The following PTDSS1 variants were observed in gnomAD, a reference collection of about 807,000 sequenced individuals.
PTDSS1 encodes the protein PSS-1.
In PTDSS1, 45 loss-of-function variants were observed where a neutral mutation model predicts 70.5. The ratio of observed to expected loss-of-function variants is 0.64; its 90% confidence interval spans 0.50 to 0.82. The LOEUF (loss-of-function observed/expected upper bound fraction) is 0.82, where lower values mean the gene tolerates loss of function less well. Among genes scored for constraint, PTDSS1 ranks in the 40% least tolerant of loss-of-function variants. The pLI is 0.00. For missense variants in PTDSS1, 417 were observed against 586.1 expected, an observed-to-expected ratio of 0.71 and a Z score of 2.98; for synonymous variants, 188 against 203.8, an observed-to-expected ratio of 0.92 and a Z score of 0.66.
At chr8:96,289,746 C>T (rs1324501182) in intron 4 of PTDSS1, among the ~76,000 whole-genome samples, 1 of 152,096 alleles carries the variant, frequency 6.6e-6, no homozygotes, top group African/African-American at 2.4e-5. Context: ...AATCATTCCC[C>T]CATGGTGACA....
At chr8:96,286,902 G>A (rs780287885) in intron 3 of PTDSS1, 120 bp from the exon 4 acceptor site, 81 of 1,275,016 alleles carry the variant, frequency 6.4e-5, no homozygotes, top group Non-Finnish European at 8.4e-5. Context: ...GAGGAGTCTT[G>A]ACAGGCTGTG....
intron 9 of PTDSS1, among the ~76,000 whole-genome samples, chr8:96,312,146 G>A (rs375058487): frequency 3.9e-5 from 6 of 152,270 alleles, no homozygotes; most frequent in South Asian, 4.1e-4. Flanking sequence ...CCATCCCCAC[G>A]GTGGGAGAAA....
chr8:96,299,291 T>C lies in PTDSS1; in HGVS notation c.601-403T>C, dbSNP rs149493713. Among the ~76,000 whole-genome samples the C allele has an allele frequency of 9.2e-5, 14 of 152,330 alleles. No homozygotes were observed. In the East Asian group the frequency reaches 2.7e-3, roughly 29 times the overall value. The stretch of plus-strand genomic sequence containing the variant: ...AGGGGATATTTTTGAAATGCACAAC[T>C]TGAATTCTCAAGCTGCTAATTTTGA... On this transcript the variant is annotated intron_variant, in intron 5 of 12. Transcript: ENST00000517309.
At chr8:96,294,789 C>T (rs763170621) in intron 4 of PTDSS1, among the ~76,000 whole-genome samples, 7 of 152,120 alleles carry the variant, frequency 4.6e-5, no homozygotes, top group Non-Finnish European at 7.3e-5. Context: ...AATATTGTTG[C>T]CCTGTGGTCT....
Position 96,262,307 on chromosome 8 carries a change from C to T in PTDSS1, c.179+88C>T. ...TGGCGGGGAGGGGGGCCCGGCATGG[C>T]TCTGGGTGAGGAAGTGGGCTGGCTG... is the stretch of plus-strand genomic sequence containing the variant. On this transcript the variant is annotated intron_variant, in intron 1 of 12. Coordinates refer to ENST00000517309, the MANE Select transcript of PTDSS1 (RefSeq NM_014754.3). This position sits in a 1 kb window ranked among gnomAD's most constrained non-coding sequence, Gnocchi z 4.4. 1 of 1,454,636 alleles carries T rather than the reference C, an allele frequency of 6.9e-7. No homozygotes were observed. The allele number at this position is 1,454,636 out of a possible 1,614,324, so 90.1% of individuals were successfully genotyped here.
chr8:96,316,030 G>C (rs548962706), intron 9 of PTDSS1, among the ~76,000 whole-genome samples: 24 of 152,284 alleles, frequency 1.6e-4, no homozygotes, highest in South Asian at 4.1e-4. Context: ...AGTCTTGGTA[G>C]AAAAGTAATG....
chr8:96,282,276 A>G (rs576058958), intron 2 of PTDSS1, among the ~76,000 whole-genome samples: 48 of 152,360 alleles, frequency 3.2e-4, no homozygotes, highest in African/African-American at 1.1e-3. Flanking sequence ...AACTTAAAAG[A>G]TGATAATTTT....
intron 1 of PTDSS1, among the ~76,000 whole-genome samples, chr8:96,267,496 A>T (rs1810504800): frequency 2.0e-5 from 3 of 152,092 alleles, no homozygotes; most frequent in South Asian, 4.1e-4. Flanking sequence ...ATCTTTTTAG[A>T]CAAAATCATG....
intron 4 of PTDSS1, among the ~76,000 whole-genome samples, chr8:96,292,953 A>G (rs1446232053): frequency 6.6e-6 from 1 of 152,188 alleles, no homozygotes; most frequent in East Asian, 1.9e-4. Context: ...CTTCTTCCAA[A>G]GTCAGCAACT....
intron 4 of PTDSS1, chr8:96,287,377 T>C: frequency 2.0e-6 from 1 of 504,144 alleles, no homozygotes; most frequent in Non-Finnish European, 3.4e-6. Context: ...AATGCACACT[T>C]TATCGTCAGA....
At chr8:96,329,910 C>A (rs1037599760) in intron 10 of PTDSS1, among the ~76,000 whole-genome samples, 6 of 152,196 alleles carry the variant, frequency 3.9e-5, no homozygotes, top group Middle Eastern at 3.2e-3. Context: ...TCTTCTTCAA[C>A]AGAACCCGCA....
At chr8:96,312,004 CTAT>C (rs1193625613) in intron 9 of PTDSS1, among the ~76,000 whole-genome samples, 3 of 152,194 alleles carry the variant, frequency 2.0e-5, no homozygotes, top group Non-Finnish European at 1.5e-5. Context: ...TAGCAAGGTC[CTAT>C]TATTCTGCTG....
At chr8:96,325,968 AC>A (rs1811432744) in intron 10 of PTDSS1, among the ~76,000 whole-genome samples, 1 of 152,128 alleles carries the variant, frequency 6.6e-6, no homozygotes, top group Non-Finnish European at 1.5e-5. Context: ...AGCTTCCTCC[AC>A]ACAAGAAGAA....
rs1208417778 is a variant in PTDSS1, at chr8:96,317,017, G to GTA, written c.1074-3219_1074-3218dup. ...TAAATATATATATATATATGTATGT[G>GTA]TATATATATATGTGTCTATATATAT... On this transcript the variant is annotated intron_variant, in intron 9 of 12. Transcript: ENST00000517309. 3.1e-3 allele frequency among the ~76,000 whole-genome samples: 408 copies of GTA among 133,024 alleles called. 1 individual carries two copies. The highest frequency in any genetic ancestry group is 0.01 in the African/African-American group (379 of 36,128). 87.3% of individuals were successfully genotyped at this position (133,024 alleles called of 152,430 possible). A position where few individuals can be genotyped will look rare whatever the true frequency, so the allele number is the denominator to read the frequency against.
At chr8:96,276,914 T>G (rs946329264) in intron 2 of PTDSS1, among the ~76,000 whole-genome samples, 2 of 151,682 alleles carry the variant, frequency 1.3e-5, no homozygotes, top group African/African-American at 2.4e-5. Flanking sequence ...GTCTCCTGTT[T>G]CCACTCTATT....
intron 9 of PTDSS1, among the ~76,000 whole-genome samples, chr8:96,319,443 A>G (rs1811343654): frequency 6.6e-6 from 1 of 152,094 alleles, no homozygotes; most frequent in Non-Finnish European, 1.5e-5. Context: ...TACAGAACAC[A>G]AGAGTGACTT....
chr8:96,321,583 T>A (rs553052611), intron 10 of PTDSS1, among the ~76,000 whole-genome samples: 7 of 152,350 alleles, frequency 4.6e-5, no homozygotes, highest in African/African-American at 1.7e-4. Flanking sequence ...TTTTATCGTA[T>A]CTTGTAATTT....
chr8:96,298,074 A>G (rs984827080), intron 5 of PTDSS1, among the ~76,000 whole-genome samples: 10 of 152,258 alleles, frequency 6.6e-5, no homozygotes, highest in Admixed American at 5.9e-4. Context: ...AATATGTGTC[A>G]TTGACTTCTG....
chr8:96,274,755 T>C (rs1353107488), intron 2 of PTDSS1, among the ~76,000 whole-genome samples: 1 of 152,096 alleles, frequency 6.6e-6, no homozygotes. Flanking sequence ...AATCCAAGTT[T>C]TCCATCGTAG....
Sources: gnomAD v4.1 joint callset for allele counts (sites outside exome capture counted in the v4.1 genomes callset) on GRCh38, gnomAD v4.1.1 for gene constraint, Gnocchi (gnomAD v3.1) non-coding constraint, MANE v1.5 for transcripts, NCBI Gene and HGNC (gene_info 2026-07-23, HGNC 2026-07-21) for gene names.